LDLRAD1: variants seen among roughly 807,000 people sequenced by gnomAD.
LDLRAD1 encodes low-density lipoprotein receptor class A domain-containing protein 1.
Under a neutral mutation model 24.8 loss-of-function variants are expected in LDLRAD1, and 17 were observed. The ratio of observed to expected loss-of-function variants is 0.69; its 90% CI spans 0.47 to 1.03. The LOEUF (loss-of-function observed/expected upper bound fraction) is 1.03, where lower values mean the gene tolerates loss of function less well. Among genes scored for constraint, LDLRAD1 ranks in the 50% least tolerant of loss-of-function variants. LDLRAD1 has a pLI of 0.00. For missense variants in LDLRAD1, 277 were observed against 271.0 expected (o/e 1.02, Z -0.16); for synonymous variants, 103 against 108.2 (o/e 0.95, Z 0.30).
At chr1:54,016,039 A>G (rs529146508) in intron 2 of LDLRAD1, among the ~76,000 whole-genome samples, 41 of 152,182 alleles carry the variant, frequency 2.7e-4, no homozygotes, top group African/African-American at 8.9e-4. Flanking sequence ...AGTCCAGGTT[A>G]TTTCCAATCC....
intron 2 of LDLRAD1, among the ~76,000 whole-genome samples, chr1:54,015,678 C>T (rs555479135): frequency 3.7e-5 from 5 of 135,240 alleles, no homozygotes; most frequent in African/African-American, 1.2e-4. Context: ...TTTTTTGAGG[C>T]GGAGTCTTGC....
chr1:54,014,168 C>T, intron 3 of LDLRAD1, 68 bp downstream of exon 3: 1 of 1,532,848 alleles, frequency 6.5e-7, no homozygotes, highest in Non-Finnish European at 8.8e-7. Context: ...TCGGGGCTCC[C>T]TCATCTCTCT....
intron 1 of LDLRAD1, 40 bp from the exon 2 acceptor site, chr1:54,017,467 G>T (rs1386768776): frequency 6.4e-7 from 1 of 1,551,934 alleles, no homozygotes; most frequent in Non-Finnish European, 8.8e-7. Context: ...CTTAGGTGAG[G>T]TGAGCTCCAG....
rs951352720 is a variant in LDLRAD1, at chr1:54,008,231, G to A, written c.*751C>T. Reference sequence around the variant, plus strand: ...GGATGCCAGATATCCTGTTTCATGTGCTGTGTCACTTGGTTAAATCAGTAG... The same window carrying A: ...GGATGCCAGATATCCTGTTTCATGTACTGTGTCACTTGGTTAAATCAGTAG... On this transcript the variant is annotated 3_prime_UTR_variant, in exon 6 of 6. Coordinates refer to ENST00000371360, the MANE Select transcript of LDLRAD1 (RefSeq NM_001010978.4). The A allele has an allele frequency of 6.6e-5, 10 of 152,334 alleles. No homozygotes were observed. Among genetic ancestry groups the A allele is most frequent in the African/African-American group, 2.4e-4 (10 of 41,552 alleles). 9.4% of individuals were successfully genotyped at this position (152,334 alleles called of 1,614,324 possible). A position where few individuals can be genotyped will look rare whatever the true frequency, so the allele number is the denominator to read the frequency against.
chr1:54,016,209 C>G (rs996059752), intron 2 of LDLRAD1, among the ~76,000 whole-genome samples: 13 of 152,030 alleles, frequency 8.6e-5, no homozygotes, highest in African/African-American at 2.7e-4. Flanking sequence ...GGTGGTGGGA[C>G]TCCAAGATGG....
chr1:54,012,068 G>A, intron 4 of LDLRAD1, 75 bp downstream of exon 4: 1 of 1,558,730 alleles, frequency 6.4e-7, no homozygotes, highest in Admixed American at 1.7e-5. Flanking sequence ...GGTGCCTGAT[G>A]TGTTCAGTAT....
chr1:54,017,478 C>A (rs1230099726), intron 1 of LDLRAD1, 51 bp from the exon 2 acceptor site: 1 of 1,510,424 alleles, frequency 6.6e-7, no homozygotes, highest in Non-Finnish European at 9.1e-7. Context: ...TGAGCTCCAG[C>A]CTCAGGGAGG....
Position 54,012,170 on chromosome 1 carries a change from C to T in LDLRAD1, c.313G>A (p.Gly105Ser), listed in dbSNP as rs376581292. Reference protein sequence around the residue: ...VCDGVRTCTHGEDEDESLCRD... With the variant: ...VCDGVRTCTHSEDEDESLCRD... ...CACAAGCTCTCATCCTCGTCCTCGC[C>T]GTGGGTACAGGTGCGAACGCCATCA... Residue 105 changes from glycine (G) to serine (S), a missense_variant, in exon 4 of 6, where the codon GGC becomes AGC. Physicochemically the swap from Gly to Ser is moderately conservative, Grantham distance 56. Transcript: ENST00000371360. 1.5e-5 allele frequency: 24 copies of T among 1,613,954 alleles called. No homozygotes were observed. The highest frequency in any genetic ancestry group is 3.3e-4 in the Middle Eastern group (2 of 6,082).
In LDLRAD1 at chr1:54,012,192, A is replaced by G. The variant is rs140119381; in HGVS notation, c.291T>C (p.Asp97=). 1.2e-5 allele frequency: 19 copies of G among 1,614,170 alleles called. No homozygotes were observed. In the African/African-American group the frequency reaches 2.3e-4, roughly 19 times the overall value. Reference sequence around the variant, plus strand: ...CGCCGTGGGTACAGGTGCGAACGCCATCACAGACCCCACTGGCTGGAATGC... The same window carrying G: ...CGCCGTGGGTACAGGTGCGAACGCCGTCACAGACCCCACTGGCTGGAATGC... ...RSCIPASGVC[D]GVRTCTHGED... is the part of the protein sequence containing the mutation. The change falls in exon 4 of 6, where the codon GAT becomes GAC. Residue 97 remains aspartate (D), a synonymous_variant. Transcript: ENST00000371360.
In LDLRAD1 at chr1:54,014,370, T is replaced by TG. The variant is rs754545690; in HGVS notation, c.74-7dup. ...GCAGAGGTGGCCGCCGCCTGCTGTG[T>TG]GGGGGGGAAACAAGCCCGGGGGTGG... On this transcript the variant is annotated splice_region_variant and splice_polypyrimidine_tract_variant and intron_variant, in intron 2 of 5. Coordinates refer to ENST00000371360, the MANE Select transcript of LDLRAD1 (RefSeq NM_001010978.4). 16 of 1,376,780 alleles carry TG rather than the reference T, an allele frequency of 1.2e-5. No homozygotes were observed. Among genetic ancestry groups the TG allele is most frequent in the South Asian group, 7.5e-5 (6 of 79,838 alleles). 85.3% of individuals were successfully genotyped at this position (1,376,780 alleles called of 1,614,324 possible).
intron 3 of LDLRAD1, 21 bp downstream of exon 3, chr1:54,014,215 C>A: frequency 6.4e-7 from 1 of 1,572,248 alleles, no homozygotes; most frequent in East Asian, 2.3e-5. Flanking sequence ...GTCTGACCCA[C>A]CCTCTCTTGG....
intron 2 of LDLRAD1, among the ~76,000 whole-genome samples, chr1:54,016,532 T>C (rs1656314767): frequency 6.6e-6 from 1 of 152,130 alleles, no homozygotes; most frequent in Non-Finnish European, 1.5e-5. Context: ...CCTGTACCGA[T>C]GAGGAAAAGG....
chr1:54,014,215 C>T (rs1401874364), intron 3 of LDLRAD1, 21 bp downstream of exon 3: 1 of 1,572,248 alleles, frequency 6.4e-7, no homozygotes, highest in Admixed American at 1.8e-5. Flanking sequence ...GTCTGACCCA[C>T]CCTCTCTTGG....
chr1:54,018,002 C>G, intron 1 of LDLRAD1, 90 bp downstream of exon 1: 1 of 1,218,156 alleles, frequency 8.2e-7, no homozygotes, highest in Non-Finnish European at 1.2e-6. Flanking sequence ...GGAGACAACT[C>G]TTACCTGGGG....
At position 54,008,874 on chromosome 1, in the gene LDLRAD1, C is replaced by CTCGGTGGTAGCCGTA; in HGVS notation, c.*107_*108insTACGGCTACCACCGA. The CTCGGTGGTAGCCGTA allele has an allele frequency of 1.0e-6, 1 of 992,506 alleles. No homozygotes were observed. Among genetic ancestry groups the CTCGGTGGTAGCCGTA allele is most frequent in the Non-Finnish European group, 1.5e-6 (1 of 665,242 alleles). 61.5% of individuals were successfully genotyped at this position (992,506 alleles called of 1,614,324 possible). ...TCCTATTCAGAAATGATGTGTAGATCCCATTTCAAAGGCTGCTTCCTGCCC... is the reference window on the plus strand; with the variant it reads ...TCCTATTCAGAAATGATGTGTAGATCTCGGTGGTAGCCGTACCATTTCAAAGGCTGCTTCCTGCCC... On this transcript the variant is annotated 3_prime_UTR_variant, in exon 6 of 6. Transcript: ENST00000371360.
intron 1 of LDLRAD1, 93 bp from the exon 2 acceptor site, chr1:54,017,520 G>A: frequency 3.8e-6 from 4 of 1,065,188 alleles, no homozygotes; most frequent in Non-Finnish European, 4.3e-6. Flanking sequence ...GGGTCACTGA[G>A]AGAGTCTTAG....
intron 2 of LDLRAD1, among the ~76,000 whole-genome samples, chr1:54,015,653 T>G (rs1656273848): frequency 7.9e-6 from 1 of 126,906 alleles, no homozygotes; most frequent in African/African-American, 2.8e-5. Flanking sequence ...TTGTTTTTTT[T>G]GTTTTTTTTG....
rs1655892450 is a variant in LDLRAD1, at chr1:54,008,172, G to C, written c.*810C>G. 1 of 152,224 alleles carries C rather than the reference G, an allele frequency of 6.6e-6. No homozygotes were observed. The highest frequency in any genetic ancestry group is 1.5e-5 in the Non-Finnish European group (1 of 68,088). The allele number at this position is 152,224 out of a possible 1,614,324, so 9.4% of individuals were successfully genotyped here. ...CTTTCTCCAGATCTTCTATTCTACA[G>C]CTCAGAGCTTCCTGGGGTGGCTTCC... On this transcript the variant is annotated 3_prime_UTR_variant, in exon 6 of 6. Transcript: ENST00000371360.
At chr1:54,011,706 T>C (rs1656058030) in intron 4 of LDLRAD1, among the ~76,000 whole-genome samples, 1 of 152,202 alleles carries the variant, frequency 6.6e-6, no homozygotes, top group Non-Finnish European at 1.5e-5. Context: ...GGGGCCCCGA[T>C]ATCAAGCGGA....
Sources: allele counts gnomAD v4.1 joint callset (sites outside exome capture counted in the v4.1 genomes callset), GRCh38; gene constraint gnomAD v4.1.1; transcripts MANE v1.5; gene names NCBI Gene and HGNC (gene_info 2026-07-23, HGNC 2026-07-21).